CTNNBIP1: variants seen among roughly 807,000 people sequenced by gnomAD.
CTNNBIP1 encodes the protein catenin beta interacting protein 1, also known as beta-catenin-interacting protein 1.
In CTNNBIP1, 7 loss-of-function variants were observed where a neutral mutation model predicts 11.8. That is an observed-to-expected ratio of 0.60 (90% CI 0.34 to 1.12). The LOEUF is 1.12. CTNNBIP1 is among the 50% of genes most tolerant of loss of function. The pLI, the probability that CTNNBIP1 is intolerant of heterozygous loss-of-function variation, is 0.03. For missense variants in CTNNBIP1, 101 were observed against 113.4 expected, an observed-to-expected ratio of 0.89 and a Z score of 0.50; for synonymous variants, 58 against 43.9, an observed-to-expected ratio of 1.32 and a Z score of -1.26.
intron 5 of CTNNBIP1, among the ~76,000 whole-genome samples, chr1:9,861,178 T>A (rs1432543243): frequency 6.6e-6 from 1 of 152,198 alleles, no homozygotes; most frequent in African/African-American, 2.4e-5. Context: ...CTCATTAATC[T>A]TGCTATTAAT....
chr1:9,851,778 C>A lies in CTNNBIP1; in HGVS notation c.188-1002G>T, dbSNP rs7554923. On this transcript the variant is annotated intron_variant, in intron 5 of 5. Transcript: ENST00000377263. The surrounding 1 kb of genome is among the most constrained non-coding windows in gnomAD (Gnocchi z 4.8). ...GACAGGCTCTGATGAGTGGCCAGGA[C>A]AGGCAGTGGCAGGAGGGCAAAGCTC... Among the ~76,000 whole-genome samples, 10,489 of 152,182 alleles carry A rather than the reference C, an allele frequency of 0.069. 1,245 individuals carry two copies. The highest frequency in any genetic ancestry group is 0.24 in the African/African-American group (9,856 of 41,470).
chr1:9,888,623 C>T (rs1421083039), intron 1 of CTNNBIP1, among the ~76,000 whole-genome samples: 1 of 152,282 alleles, frequency 6.6e-6, no homozygotes, highest in South Asian at 2.1e-4. Context: ...CACACAGTGC[C>T]ATCTGCATCG....
chr1:9,890,438 T>C (rs1013007760), intron 1 of CTNNBIP1, among the ~76,000 whole-genome samples: 15 of 152,150 alleles, frequency 9.9e-5, no homozygotes, highest in Admixed American at 7.9e-4. Context: ...GAGGTTCTTT[T>C]TTCTTCCCAG....
At chr1:9,909,031 T>C (rs1445202910) in intron 1 of CTNNBIP1, among the ~76,000 whole-genome samples, 1 of 152,192 alleles carries the variant, frequency 6.6e-6, no homozygotes, top group African/African-American at 2.4e-5. Context: ...GCTGCTGGTA[T>C]CTCTGGACAT....
intron 1 of CTNNBIP1, among the ~76,000 whole-genome samples, chr1:9,889,695 G>A (rs1234219605): frequency 6.6e-6 from 1 of 152,190 alleles, no homozygotes; most frequent in East Asian, 1.9e-4. Flanking sequence ...CAGACTGGAA[G>A]CTCTTTGAGG....
intron 1 of CTNNBIP1, among the ~76,000 whole-genome samples, chr1:9,905,853 C>T (rs1284634937): frequency 6.6e-6 from 1 of 152,118 alleles, no homozygotes; most frequent in Non-Finnish European, 1.5e-5. Flanking sequence ...CCATAGCATC[C>T]GCAACAGTGC....
chr1:9,857,483 C>A (rs1638531841), intron 5 of CTNNBIP1, among the ~76,000 whole-genome samples: 1 of 142,272 alleles, frequency 7.0e-6, no homozygotes, highest in Admixed American at 7.0e-5. Context: ...AGAATGAGAC[C>A]CTGTCTCAAA....
At chr1:9,866,716 T>C (rs554269935) in intron 5 of CTNNBIP1, among the ~76,000 whole-genome samples, 1 of 149,530 alleles carries the variant, frequency 6.7e-6, no homozygotes, top group Admixed American at 6.7e-5. Context: ...GACCCACTAA[T>C]GTCACTCTAA....
intron 1 of CTNNBIP1, among the ~76,000 whole-genome samples, chr1:9,885,555 G>T (rs1390657600): frequency 1.3e-5 from 2 of 151,682 alleles, no homozygotes; most frequent in Admixed American, 1.3e-4. Flanking sequence ...GAGGTGGGAG[G>T]ATCGCTTGAG....
At chr1:9,869,207 C>T (rs142239665) in intron 5 of CTNNBIP1, among the ~76,000 whole-genome samples, 1 of 152,056 alleles carries the variant, frequency 6.6e-6, no homozygotes, top group Non-Finnish European at 1.5e-5. Context: ...CCTATGTTGC[C>T]CAGGCTGGTC....
At chr1:9,850,811 T>A in intron 5 of CTNNBIP1, 35 bp from the exon 6 acceptor site, 1 of 1,603,924 alleles carries the variant, frequency 6.2e-7, no homozygotes, top group Non-Finnish European at 8.5e-7. Context: ...CTGATGGGGC[T>A]TGCAGCATTG....
chr1:9,857,486 G>C (rs1638531947), intron 5 of CTNNBIP1, among the ~76,000 whole-genome samples: 1 of 131,086 alleles, frequency 7.6e-6, no homozygotes, highest in Non-Finnish European at 1.6e-5. Context: ...ATGAGACCCT[G>C]TCTCAAAAAA....
chr1:9,875,259 GAGCC>G (rs1570577106), intron 3 of CTNNBIP1, among the ~76,000 whole-genome samples: 1 of 152,264 alleles, frequency 6.6e-6, no homozygotes, highest in East Asian at 1.9e-4. Context: ...TTCATTCAGA[GAGCC>G]ACCCCTGCCC....
intron 1 of CTNNBIP1, among the ~76,000 whole-genome samples, chr1:9,886,235 C>G (rs1224471247): frequency 1.3e-5 from 2 of 152,158 alleles, no homozygotes; most frequent in Non-Finnish European, 2.9e-5. Flanking sequence ...AGTGCTGCCC[C>G]GAATCACTGG....
At chr1:9,860,331 C>T (rs943278186) in intron 5 of CTNNBIP1, among the ~76,000 whole-genome samples, 2 of 150,220 alleles carry the variant, frequency 1.3e-5, no homozygotes, top group African/African-American at 4.9e-5. Context: ...TGGCTCATGC[C>T]TGTAATCCCA....
intron 1 of CTNNBIP1, among the ~76,000 whole-genome samples, chr1:9,909,602 G>A (rs897339982): frequency 1.3e-5 from 2 of 152,184 alleles, no homozygotes; most frequent in Non-Finnish European, 2.9e-5. Context: ...CCGCCATCCA[G>A]GTGAGATATG....
chr1:9,896,662 G>T (rs987970688), intron 1 of CTNNBIP1, among the ~76,000 whole-genome samples: 2 of 151,500 alleles, frequency 1.3e-5, no homozygotes, highest in African/African-American at 2.4e-5. Flanking sequence ...GTAAAACCCC[G>T]TCTCTACTAA....
Position 9,867,210 on chromosome 1 carries a change from A to C in CTNNBIP1, c.187+3977T>G, listed in dbSNP as rs1221106261. Among the ~76,000 whole-genome samples the C allele has an allele frequency of 6.6e-6, 1 of 152,222 alleles. No individual in the cohort carries two copies. Among genetic ancestry groups the C allele is most frequent in the African/African-American group, 2.4e-5 (1 of 41,534 alleles). ...ACGTGAAGGACAAGGGAGGGAAAGG[A>C]GGCTGTCATTGGTGGTCTCAGCCCA... is the stretch of plus-strand genomic sequence containing the variant. On this transcript the variant is annotated intron_variant, in intron 5 of 5. Transcript: ENST00000377263. The surrounding 1 kb of genome is among the most constrained non-coding windows in gnomAD (Gnocchi z 4.6).
At chr1:9,902,654 C>T (rs1473765708) in intron 1 of CTNNBIP1, among the ~76,000 whole-genome samples, 1 of 152,202 alleles carries the variant, frequency 6.6e-6, no homozygotes, top group Non-Finnish European at 1.5e-5. Flanking sequence ...GACTCTCCTC[C>T]TAAGAGTTCA....
Sources: gnomAD v4.1 joint callset for allele counts (sites outside exome capture counted in the v4.1 genomes callset) on GRCh38, gnomAD v4.1.1 for gene constraint, Gnocchi (gnomAD v3.1) non-coding constraint, MANE v1.5 for transcripts, NCBI Gene and HGNC (gene_info 2026-07-23, HGNC 2026-07-21) for gene names.